EVI5: variants seen among roughly 807,000 people sequenced by gnomAD.
EVI5 encodes the protein ecotropic viral integration site 5 protein homolog.
A neutral mutation model predicts 112.0 loss-of-function variants in EVI5; 73 were observed. The ratio of observed to expected loss-of-function variants is 0.65; its 90% CI spans 0.54 to 0.79. EVI5 has a LOEUF of 0.79. Ranked by LOEUF, EVI5 falls within the 30% of genes least tolerant of loss-of-function variation. EVI5 has a pLI of 0.00. For synonymous variants in EVI5, 305 were observed against 319.9 expected (o/e 0.95, Z 0.50); for missense variants, 900 against 968.8 (o/e 0.93, Z 0.94).
intron 19 of EVI5, among the ~76,000 whole-genome samples, chr1:92,542,771 A>G (rs1294685727): frequency 1.3e-5 from 2 of 152,238 alleles, no homozygotes; most frequent in Non-Finnish European, 2.9e-5. Flanking sequence ...AGCAGCATGA[A>G]AACAACATTA....
chr1:92,716,710 G>A (rs1443428461), intron 2 of EVI5, among the ~76,000 whole-genome samples: 1 of 151,650 alleles, frequency 6.6e-6, no homozygotes, highest in Non-Finnish European at 1.5e-5. Context: ...TCACAAGGAA[G>A]CTAAAAACCC....
At chr1:92,589,328 C>T (rs1362059496) in intron 18 of EVI5, among the ~76,000 whole-genome samples, 1 of 152,126 alleles carries the variant, frequency 6.6e-6, no homozygotes, top group African/African-American at 2.4e-5. Context: ...ATCACCTCAC[C>T]AGGGAAGCAC....
At chr1:92,712,760 T>C (rs1416819159) in intron 2 of EVI5, among the ~76,000 whole-genome samples, 9 of 152,038 alleles carry the variant, frequency 5.9e-5, no homozygotes, top group Non-Finnish European at 1.3e-4. Flanking sequence ...TGTTGCTGGA[T>C]GTTTTATGGA....
At chr1:92,781,371 G>T (rs1684840057) in intron 1 of EVI5, among the ~76,000 whole-genome samples, 1 of 151,946 alleles carries the variant, frequency 6.6e-6, no homozygotes, top group Non-Finnish European at 1.5e-5. Context: ...GCCAGGCATG[G>T]TGGCATATGC....
intron 14 of EVI5, among the ~76,000 whole-genome samples, chr1:92,631,912 G>A (rs527844575): frequency 9.2e-5 from 14 of 152,264 alleles, no homozygotes; most frequent in African/African-American, 3.4e-4. Context: ...TTTTGTCAAA[G>A]GCCTTTTCTG....
intron 1 of EVI5, among the ~76,000 whole-genome samples, chr1:92,776,051 T>C (rs576284360): frequency 6.8e-6 from 1 of 146,576 alleles, no homozygotes; most frequent in East Asian, 2.0e-4. Context: ...GAGGTTGCAG[T>C]GAGCCAAAAT....
At chr1:92,557,181 A>T (rs1344366111) in intron 19 of EVI5, among the ~76,000 whole-genome samples, 2 of 152,212 alleles carry the variant, frequency 1.3e-5, no homozygotes, top group East Asian at 3.8e-4. Flanking sequence ...CCTACAAAGT[A>T]AGTTGGTTTT....
intron 2 of EVI5, among the ~76,000 whole-genome samples, chr1:92,715,172 A>T (rs199807455): frequency 6.6e-6 from 1 of 151,682 alleles, no homozygotes; most frequent in African/African-American, 2.4e-5. Flanking sequence ...TGTCCAGCTA[A>T]TTTTTTTGTA....
At chr1:92,514,345 G>A (rs1171405186) in intron 19 of EVI5, among the ~76,000 whole-genome samples, 13 of 151,798 alleles carry the variant, frequency 8.6e-5, no homozygotes, top group African/African-American at 2.9e-4. Context: ...TTGTAGACAC[G>A]GGGTTTCACC....
intron 18 of EVI5, among the ~76,000 whole-genome samples, chr1:92,574,930 T>C (rs139262996): frequency 1.3e-5 from 2 of 152,296 alleles, no homozygotes; most frequent in East Asian, 3.9e-4. Flanking sequence ...TTTCGAGCCA[T>C]AGGTTTTAAA....
intron 18 of EVI5, among the ~76,000 whole-genome samples, chr1:92,593,458 A>G (rs1674354010): frequency 6.6e-6 from 1 of 152,306 alleles, no homozygotes; most frequent in African/African-American, 2.4e-5. Context: ...CCCACAGCCA[A>G]TATCATATTG....
At chr1:92,784,479 T>C (rs1685329398) in intron 1 of EVI5, 1 of 979,160 alleles carries the variant, frequency 1.0e-6, no homozygotes, top group South Asian at 4.7e-5. Flanking sequence ...GGGAACCGAC[T>C]TCTGGCCTCG....
At position 92,677,181 on chromosome 1, in the gene EVI5, T is replaced by C; in HGVS notation, c.1135A>G (p.Met379Val). 2.5e-6 allele frequency: 4 copies of C among 1,592,672 alleles called. No individual in the cohort carries two copies. The highest frequency in any genetic ancestry group is 3.4e-6 in the Non-Finnish European group (4 of 1,165,412). Residue 379 changes from methionine to valine, a missense_variant, in exon 10 of 20, where the codon ATG (methionine) becomes GTG (valine). By Grantham distance (21) the Met-to-Val change is conservative. Coordinates refer to ENST00000684568, the MANE Select transcript of EVI5 (RefSeq NM_001350197.2). The part of the protein sequence containing the change: ...KEYTTIKTKE[M>V]EEQVEIKRLR... The stretch of plus-strand genomic sequence containing the variant: ...ACTTTAATTTCAACTTGCTCTTCCA[T>C]TTCTTTCGTTTTTATTGTAGTGTAT...
chr1:92,532,565 C>T lies in EVI5; in HGVS notation c.2167-18595G>A, dbSNP rs532126792. 3.9e-3 allele frequency among the ~76,000 whole-genome samples: 594 copies of T among 152,208 alleles called. 2 individuals carry two copies. Among genetic ancestry groups the T allele is most frequent in the African/African-American group, 0.013 (540 of 41,538 alleles). On this transcript the variant is annotated intron_variant, in intron 19 of 19. Coordinates refer to ENST00000684568, the MANE Select transcript of EVI5 (RefSeq NM_001350197.2). ...ACACTCCTCAGCAAATGCAAAAGAA[C>T]GGAAATCATAACAAACAGTCTCTCA...
intron 9 of EVI5, among the ~76,000 whole-genome samples, chr1:92,682,730 G>A (rs1393362855): frequency 1.3e-5 from 2 of 152,050 alleles, no homozygotes; most frequent in African/African-American, 4.8e-5. Flanking sequence ...CAGCCTGCAA[G>A]ACTTCGTCTC....
chr1:92,788,501 C>CAA (rs200308636), upstream of EVI5, among the ~76,000 whole-genome samples: 22 of 144,604 alleles, frequency 1.5e-4, no homozygotes, highest in African/African-American at 4.2e-4. Context: ...CAAAACAAAA[C>CAA]AAAAAAAAAA....
Position 92,693,807 on chromosome 1 carries a change from C to A in EVI5, c.1092G>T (p.Met364Ile). The change falls in exon 9 of 20, where the codon ATG becomes ATT. Residue 364 changes from methionine to isoleucine, a missense_variant. By Grantham distance (10) the Met-to-Ile change is conservative. Transcript: ENST00000684568. ...CAAAAATATAAAATACTTACTTTTT[C>A]ATTTTTTTTGAATTGTATTTGACTT... ...AYQVKYNSKK[M>I]KKLEKEYTTI... The A allele has an allele frequency of 6.4e-7, 1 of 1,554,450 alleles. No homozygotes were observed. Among genetic ancestry groups the A allele is most frequent in the Non-Finnish European group, 8.8e-7 (1 of 1,133,302 alleles).
chr1:92,624,123 AC>A, intron 16 of EVI5, 52 bp downstream of exon 16: 1 of 1,458,986 alleles, frequency 6.9e-7, no homozygotes, highest in East Asian at 2.3e-5. Context: ...CTGTGCACAA[AC>A]CCTTGATCAG....
At chr1:92,550,107 T>A (rs1452708791) in intron 19 of EVI5, among the ~76,000 whole-genome samples, 6 of 152,176 alleles carry the variant, frequency 3.9e-5, no homozygotes, top group East Asian at 3.9e-4. Flanking sequence ...CAAATGTCCA[T>A]CAATGATAGA....
Sources: allele counts gnomAD v4.1 joint callset (sites outside exome capture counted in the v4.1 genomes callset), GRCh38; gene constraint gnomAD v4.1.1; transcripts MANE v1.5; gene names NCBI Gene and HGNC (gene_info 2026-07-23, HGNC 2026-07-21).